RELN: variants seen among roughly 807,000 people sequenced by gnomAD.
RELN encodes the protein reelin.
A neutral mutation model predicts 427.6 loss-of-function variants in RELN; 108 were observed. The observed-to-expected ratio is 0.25, with a 90% confidence interval of 0.22 to 0.30. The LOEUF is 0.30. Among genes scored for constraint, RELN ranks in the 10% least tolerant of loss-of-function variants. RELN has a pLI of 1.00. For missense variants in RELN, 3,715 were observed against 4,302.8 expected (o/e 0.86, Z 3.82); for synonymous variants, 1,524 against 1,513.4 (o/e 1.01, Z -0.16).
At chr7:103,624,647 C>T (rs1286539279) in intron 20 of RELN, among the ~76,000 whole-genome samples, 3 of 152,090 alleles carry the variant, frequency 2.0e-5, no homozygotes, top group Non-Finnish European at 4.4e-5. Flanking sequence ...AGGCTGGTCT[C>T]GAACTCCTGA....
intron 3 of RELN, among the ~76,000 whole-genome samples, chr7:103,796,695 A>G (rs1792306437): frequency 6.6e-6 from 1 of 152,032 alleles, no homozygotes; most frequent in African/African-American, 2.4e-5. Flanking sequence ...AACCTGTCTC[A>G]ACTAAAAATA....
intron 2 of RELN, among the ~76,000 whole-genome samples, chr7:103,882,586 C>CA (rs938649400): frequency 4.6e-5 from 7 of 151,240 alleles, no homozygotes; most frequent in African/African-American, 7.3e-5. Flanking sequence ...CAAATAGACA[C>CA]AAAAAAAAAT....
intron 43 of RELN, 116 bp downstream of exon 43, chr7:103,542,615 G>A: frequency 1.9e-6 from 2 of 1,033,486 alleles, no homozygotes; most frequent in Non-Finnish European, 3.0e-6. Context: ...GAGAAGTTCA[G>A]TATTTACAAT....
intron 58 of RELN, 56 bp downstream of exon 58, chr7:103,491,897 A>G: frequency 1.2e-6 from 1 of 829,874 alleles, no homozygotes; most frequent in Non-Finnish European, 1.8e-6. Context: ...CACACACACA[A>G]CGATTTGGAT....
rs184745076 is a variant in RELN, at chr7:103,593,174, C to G, written c.3912+508G>C. Among the ~76,000 whole-genome samples the G allele has an allele frequency of 3.3e-5, 5 of 152,254 alleles. No individual in the cohort carries two copies. In the East Asian group the frequency reaches 9.7e-4, roughly 29 times the overall value. On this transcript the variant is annotated intron_variant, in intron 27 of 64. Transcript: ENST00000428762. The stretch of plus-strand genomic sequence containing the variant: ...AAACAAGACCTTGTCAAAGTAAATA[C>G]TTGCTATACATGTTGATATGTTATC...
chr7:103,729,290 T>C (rs984260443), intron 6 of RELN, among the ~76,000 whole-genome samples: 5 of 152,110 alleles, frequency 3.3e-5, no homozygotes, highest in African/African-American at 1.2e-4. Context: ...CTTTCAGCCG[T>C]TTGTTAATTT....
chr7:103,643,620 G>A (rs1339255186), intron 16 of RELN, among the ~76,000 whole-genome samples: 1 of 151,554 alleles, frequency 6.6e-6, no homozygotes, highest in Non-Finnish European at 1.5e-5. Flanking sequence ...AAAACTTAAA[G>A]TATTAAAAAA....
chr7:103,861,908 AT>A (rs1473059682), intron 2 of RELN, among the ~76,000 whole-genome samples: 1 of 152,174 alleles, frequency 6.6e-6, no homozygotes, highest in African/African-American at 2.4e-5. Flanking sequence ...TACAGGGTTT[AT>A]TTTTTGGTTT....
chr7:103,704,680 T>TAA (rs543516208), intron 8 of RELN, among the ~76,000 whole-genome samples: 1 of 142,648 alleles, frequency 7.0e-6, no homozygotes, highest in Admixed American at 7.0e-5. Context: ...ATCTCCTATC[T>TAA]AAAAAAAAAA....
chr7:103,929,259 C>A (rs896812788), intron 1 of RELN, among the ~76,000 whole-genome samples: 1 of 152,134 alleles, frequency 6.6e-6, no homozygotes, highest in Non-Finnish European at 1.5e-5. Context: ...GCTGAAGAAC[C>A]GAGCTCACTG....
At chr7:103,891,229 A>G (rs1794842182) in intron 2 of RELN, among the ~76,000 whole-genome samples, 1 of 152,220 alleles carries the variant, frequency 6.6e-6, no homozygotes, top group Non-Finnish European at 1.5e-5. Context: ...GAGCTAGAAT[A>G]AACTCTTCCA....
At chr7:103,608,241 A>C (rs1488007733) in intron 22 of RELN, among the ~76,000 whole-genome samples, 2 of 152,210 alleles carry the variant, frequency 1.3e-5, no homozygotes, top group African/African-American at 4.8e-5. Context: ...GAATGTAAAT[A>C]TACTTTATTT....
chr7:103,757,806 T>C (rs978831040), intron 4 of RELN, among the ~76,000 whole-genome samples: 3 of 152,006 alleles, frequency 2.0e-5, no homozygotes, highest in African/African-American at 4.8e-5. Context: ...TAGGCTGGAG[T>C]TGTTCTGTAC....
At chr7:103,859,597 G>T (rs1794025355) in intron 2 of RELN, among the ~76,000 whole-genome samples, 2 of 152,072 alleles carry the variant, frequency 1.3e-5, no homozygotes, top group African/African-American at 2.4e-5. Context: ...CCGGCCAAAG[G>T]TTTCATATTT....
intron 4 of RELN, among the ~76,000 whole-genome samples, chr7:103,763,694 A>T (rs1791357576): frequency 6.6e-6 from 1 of 152,170 alleles, no homozygotes; most frequent in South Asian, 2.1e-4. Context: ...GGACATACTT[A>T]TTCCAGCTGA....
intron 1 of RELN, among the ~76,000 whole-genome samples, chr7:103,931,570 T>TA (rs1795866753): frequency 6.6e-6 from 1 of 152,216 alleles, no homozygotes; most frequent in African/African-American, 2.4e-5. Context: ...CAAGTGTTTT[T>TA]AAAGCAGATA....
intron 4 of RELN, among the ~76,000 whole-genome samples, chr7:103,757,872 G>A (rs1267115047): frequency 6.6e-6 from 1 of 152,158 alleles, no homozygotes; most frequent in Non-Finnish European, 1.5e-5. Context: ...AGTTTCATTG[G>A]TGAGACCCAT....
intron 38 of RELN, among the ~76,000 whole-genome samples, chr7:103,554,248 A>C (rs1293890721): frequency 2.0e-5 from 3 of 151,352 alleles, no homozygotes; most frequent in Non-Finnish European, 4.4e-5. Flanking sequence ...GAAAAAAAAA[A>C]CATAAAGTAC....
At chr7:103,766,571 A>G (rs1389637953) in intron 4 of RELN, among the ~76,000 whole-genome samples, 2 of 152,248 alleles carry the variant, frequency 1.3e-5, no homozygotes, top group Admixed American at 6.5e-5. Flanking sequence ...AAAAAATATA[A>G]AAGGAGGTTA....
Sources: allele counts gnomAD v4.1 joint callset (sites outside exome capture counted in the v4.1 genomes callset), GRCh38; gene constraint gnomAD v4.1.1; transcripts MANE v1.5; gene names NCBI Gene and HGNC (gene_info 2026-07-23, HGNC 2026-07-21).